The following PITPNM1 variants were observed in gnomAD, a reference collection of about 807,000 sequenced individuals.
The protein encoded by PITPNM1 is phosphatidylinositol transfer protein membrane associated 1.
In PITPNM1, 74 loss-of-function variants were observed where a neutral mutation model predicts 133.3. The ratio of observed to expected loss-of-function variants is 0.56; its 90% CI spans 0.46 to 0.67. The LOEUF (loss-of-function observed/expected upper bound fraction) is 0.67, where lower values mean the gene tolerates loss of function less well. Among genes scored for constraint, PITPNM1 ranks in the 30% least tolerant of loss-of-function variants. The pLI is 0.00. For missense variants in PITPNM1, 1,398 were observed against 1,739.5 expected, an observed-to-expected ratio of 0.80 and a Z score of 3.49; for synonymous variants, 738 against 741.4, an observed-to-expected ratio of 1.00 and a Z score of 0.08.
intron 16 of PITPNM1, 89 bp from the exon 17 acceptor site, chr11:67,495,314 C>T (rs1866083241): frequency 4.7e-6 from 7 of 1,479,926 alleles, no homozygotes; most frequent in Non-Finnish European, 5.4e-6. Context: ...CCCCTTTTCA[C>T]CCAGCCTGCT....
In PITPNM1 at chr11:67,502,011, G is replaced by C. The variant is rs1866335852; in HGVS notation, c.491C>G (p.Ser164Trp). ...KAEEDPRLYH[S>W]VKTGRGPLSD... ...CAGTGGCCCTCGGCCCGTCTTGACC[G>C]AGTGATAAAGCCGGGGGTCCTCTTC... Residue 164 changes from serine to tryptophan, a missense_variant, in exon 5 of 24, where the codon TCG (serine) becomes TGG (tryptophan). Transcript: ENST00000356404. The surrounding 1 kb of genome is among the most constrained non-coding windows in gnomAD (Gnocchi z 5.9). The C allele has an allele frequency of 1.2e-6, 2 of 1,613,460 alleles. No homozygotes were observed. The highest frequency in any genetic ancestry group is 1.7e-6 in the Non-Finnish European group (2 of 1,180,022).
At chr11:67,492,525 T>G (rs1429118270) in intron 23 of PITPNM1, among the ~76,000 whole-genome samples, 1 of 152,122 alleles carries the variant, frequency 6.6e-6, no homozygotes, top group Non-Finnish European at 1.5e-5. Flanking sequence ...ATCTGGAAAA[T>G]GGGGTCTTAG....
At position 67,502,947 on chromosome 11, in the gene PITPNM1, T is replaced by C. The variant is rs550480814; in HGVS notation, c.79-229A>G. ...CTCAGTTGAGTCATTCAAGTATTCA[T>C]TGAGTGTCTGCTCCACTCCAGGCAG... On this transcript the variant is annotated intron_variant, in intron 2 of 23. Coordinates refer to ENST00000356404, the MANE Select transcript of PITPNM1 (RefSeq NM_004910.3). The surrounding 1 kb of genome is among the most constrained non-coding windows in gnomAD (Gnocchi z 5.9). Among the ~76,000 whole-genome samples, 2 of 152,350 alleles carry C rather than the reference T, an allele frequency of 1.3e-5. No individual in the cohort carries two copies. The highest frequency in any genetic ancestry group is 1.9e-4 in the East Asian group (1 of 5,192).
chr11:67,501,006 GC>G, intron 5 of PITPNM1, among the ~76,000 whole-genome samples: 1 of 152,316 alleles, frequency 6.6e-6, no homozygotes, highest in East Asian at 1.9e-4. Flanking sequence ...TCTTATTTGT[GC>G]TTTTTGGCAT....
At chr11:67,495,000 A>C (rs1276187408) in intron 17 of PITPNM1, 44 bp from the exon 18 acceptor site, 3 of 1,600,018 alleles carry the variant, frequency 1.9e-6, no homozygotes, top group South Asian at 2.2e-5. Context: ...TAGGGGAGGG[A>C]GGGCTGCCCC....
Position 67,493,059 on chromosome 11 carries a change from C to T in PITPNM1, c.3346G>A (p.Glu1116Lys). ...MFLQSLVQEV[E>K]LNIVAGYGSP... ...CCATAACCGGCCACGATGTTCAGTT[C>T]TACCTGTGGCGGGAGATGCCAATCA... Residue 1116 changes from glutamate (E) to lysine (K), a missense_variant, in exon 23 of 24, where the codon GAA becomes AAA. Physicochemically the swap from Glu to Lys is moderately conservative, Grantham distance 56 (BLOSUM62 1). Transcript: ENST00000356404. 2 of 1,612,980 alleles carry T rather than the reference C, an allele frequency of 1.2e-6. No homozygotes were observed. Among genetic ancestry groups the T allele is most frequent in the South Asian group, 1.1e-5 (1 of 91,090 alleles).
intron 7 of PITPNM1, 34 bp from the exon 8 acceptor site, chr11:67,499,864 A>G: frequency 6.3e-7 from 1 of 1,591,492 alleles, no homozygotes; most frequent in Non-Finnish European, 8.6e-7. Flanking sequence ...ATGGGGTGGG[A>G]GGAGCTGCTC....
In PITPNM1 at chr11:67,492,514, C is replaced by T. The variant is rs187353771; in HGVS notation, c.3472-218G>A. 1.7e-3 allele frequency among the ~76,000 whole-genome samples: 255 copies of T among 152,384 alleles called. 1 individual carries two copies. The highest frequency in any genetic ancestry group is 3.2e-3 in the Non-Finnish European group (216 of 68,042). The stretch of plus-strand genomic sequence containing the variant: ...GCCCTTCTCTGGGCCTCAGTCTCCT[C>T]ATCTGGAAAATGGGGTCTTAGAGGA... On this transcript the variant is annotated intron_variant, in intron 23 of 23. Coordinates refer to ENST00000356404, the MANE Select transcript of PITPNM1 (RefSeq NM_004910.3).
chr11:67,502,137 C>T lies in PITPNM1; in HGVS notation c.416-51G>A. 1 of 1,575,718 alleles carries T rather than the reference C, an allele frequency of 6.3e-7. No homozygotes were observed. The highest frequency in any genetic ancestry group is 8.7e-7 in the Non-Finnish European group (1 of 1,154,458). On this transcript the variant is annotated intron_variant, in intron 4 of 23. Coordinates refer to ENST00000356404, the MANE Select transcript of PITPNM1 (RefSeq NM_004910.3). The surrounding 1 kb of genome is among the most constrained non-coding windows in gnomAD (Gnocchi z 5.9). ...CAGCGCCAGCCCCTTTGAGCCCCCG[C>T]TCCTGGCACCCTCTTGGGACTGGAT... is the stretch of plus-strand genomic sequence containing the variant.
chr11:67,498,830 C>G lies in PITPNM1; in HGVS notation c.1250G>C (p.Gly417Ala). 2.5e-6 allele frequency: 4 copies of G among 1,610,202 alleles called. No individual in the cohort carries two copies. The highest frequency in any genetic ancestry group is 3.4e-6 in the Non-Finnish European group (4 of 1,177,692). The change falls in exon 10 of 24, where the codon GGG becomes GCG. Residue 417 changes from glycine (G) to alanine (A), a missense_variant. Physicochemically the swap from Gly to Ala is moderately conservative, Grantham distance 60. Transcript: ENST00000356404. The surrounding 1 kb of genome is among the most constrained non-coding windows in gnomAD (Gnocchi z 5.7). Reference sequence around the variant, plus strand: ...TGCGCATGCCTCAGCCCCCAGCTCCCCGGCTCCATCCAGGCCCTGGGGGGA... The same window carrying G: ...TGCGCATGCCTCAGCCCCCAGCTCCGCGGCTCCATCCAGGCCCTGGGGGGA... ...PRDSEGLDGA[G>A]ELGAEACAVH...
Position 67,504,238 on chromosome 11 carries a change from C to A in PITPNM1, c.-41-17G>T. 7.4e-7 allele frequency: 1 copy of A among 1,354,198 alleles called. No homozygotes were observed. Among genetic ancestry groups the A allele is most frequent in the South Asian group, 1.3e-5 (1 of 78,164 alleles). The allele number at this position is 1,354,198 out of a possible 1,614,324, so 83.9% of individuals were successfully genotyped here. A position where few individuals can be genotyped will look rare whatever the true frequency, so the allele number is the denominator to read the frequency against. ...CCGCTCCTCCTGGCGCAGGGCACGG[C>A]GCGACAGTCAGTGCGGGGAGGCTGC... On this transcript the variant is annotated splice_polypyrimidine_tract_variant and intron_variant, in intron 1 of 23. Coordinates refer to ENST00000356404, the MANE Select transcript of PITPNM1 (RefSeq NM_004910.3). This position sits in a 1 kb window ranked among gnomAD's most constrained non-coding sequence, Gnocchi z 5.4.
chr11:67,499,819 C>A lies in PITPNM1; in HGVS notation c.1075G>T (p.Asp359Tyr). 6.4e-7 allele frequency: 1 copy of A among 1,571,996 alleles called. No individual in the cohort carries two copies. Among genetic ancestry groups the A allele is most frequent in the Non-Finnish European group, 8.7e-7 (1 of 1,152,346 alleles). ...EFFDAHEGFS[D>Y]SEEVFPKEMT... ...TCCTTGGGGAAGACCTCCTCACTGTCCGAGAAGCCTTCTGAGGGGACAGGG... is the reference window on the plus strand; with the variant it reads ...TCCTTGGGGAAGACCTCCTCACTGTACGAGAAGCCTTCTGAGGGGACAGGG... The change falls in exon 8 of 24, where the codon GAC (aspartate) becomes TAC (tyrosine). Residue 359 changes from aspartate to tyrosine, a missense_variant. Transcript: ENST00000356404.
chr11:67,504,308 G>A lies in PITPNM1; in HGVS notation c.-41-87C>T. The A allele has an allele frequency of 2.4e-6, 1 of 425,420 alleles. No homozygotes were observed. Among genetic ancestry groups the A allele is most frequent in the Non-Finnish European group, 3.8e-6 (1 of 262,512 alleles). 26.4% of individuals were successfully genotyped at this position (425,420 alleles called of 1,614,324 possible). Reference sequence around the variant, plus strand: ...GCGCCGGCCGAGGGACTCAGGCCACGGGACCCCATGTCCGGGCCCGCCACG... The same window carrying A: ...GCGCCGGCCGAGGGACTCAGGCCACAGGACCCCATGTCCGGGCCCGCCACG... On this transcript the variant is annotated intron_variant, in intron 1 of 23. Coordinates refer to ENST00000356404, the MANE Select transcript of PITPNM1 (RefSeq NM_004910.3). This position sits in a 1 kb window ranked among gnomAD's most constrained non-coding sequence, Gnocchi z 5.4.
intron 14 of PITPNM1, 101 bp downstream of exon 14, chr11:67,497,130 G>A: frequency 1.0e-6 from 1 of 960,136 alleles, no homozygotes; most frequent in Non-Finnish European, 1.5e-6. Context: ...TAGTACAGTG[G>A]GGAAGTTGCT....
At position 67,498,937 on chromosome 11, in the gene PITPNM1, C is replaced by G. The variant is rs369254513; in HGVS notation, c.1233+3G>C. On this transcript the variant is annotated splice_donor_region_variant and intron_variant, in intron 9 of 23. Coordinates refer to ENST00000356404, the MANE Select transcript of PITPNM1 (RefSeq NM_004910.3). The surrounding 1 kb of genome is among the most constrained non-coding windows in gnomAD (Gnocchi z 5.7). ...TTGACATGGGGTGGCTGACCATACT[C>G]GCCTCTGAGTCCCTGGGTGCTTGGG... 6.2e-7 allele frequency: 1 copy of G among 1,612,582 alleles called. No individual in the cohort carries two copies.
chr11:67,502,228 G>T lies in PITPNM1; in HGVS notation c.415+64C>A. 6.3e-7 allele frequency: 1 copy of T among 1,584,108 alleles called. No individual in the cohort carries two copies. The highest frequency in any genetic ancestry group is 8.6e-7 in the Non-Finnish European group (1 of 1,164,760). On this transcript the variant is annotated intron_variant, in intron 4 of 23. Transcript: ENST00000356404. This position sits in a 1 kb window ranked among gnomAD's most constrained non-coding sequence, Gnocchi z 5.9. The stretch of plus-strand genomic sequence containing the variant: ...AGAGGGCTGGGACTTCTCAGAGGCT[G>T]CCCACTGAGGCAGCCAGGAGCCTGA...
rs369087606 is a variant in PITPNM1, at chr11:67,494,088, C to A, written c.2860-18G>T. 5.5e-5 allele frequency: 85 copies of A among 1,556,526 alleles called. No individual in the cohort carries two copies. The highest frequency in any genetic ancestry group is 7.0e-5 in the Non-Finnish European group (80 of 1,147,054). On this transcript the variant is annotated intron_variant, in intron 19 of 23. Transcript: ENST00000356404. The stretch of plus-strand genomic sequence containing the variant: ...ACATCCACCTGGAGGGGAGAAGGGG[C>A]GGGAGGTAAATGGGGGCCCTGCGTG...
chr11:67,497,862 T>C (rs1866181298), intron 12 of PITPNM1, 55 bp downstream of exon 12: 2 of 1,549,740 alleles, frequency 1.3e-6, no homozygotes, highest in Non-Finnish European at 1.8e-6. Context: ...GGCAGAGACC[T>C]AGAGCCAGAG....
In PITPNM1 at chr11:67,494,350, G is replaced by A. The variant is rs751736319; in HGVS notation, c.2753C>T (p.Ser918Phe). ...CACCGTGTCGCTCGCCCGGTGGTTG[G>A]AAGTGACGTTCTAGAGGGAGGAGAG... ...RTQVKIRNVT[S>F]NHRASDTVVC... The change falls in exon 19 of 24, where the codon TCC (serine) becomes TTC (phenylalanine). Residue 918 changes from serine (S) to phenylalanine (F), a missense_variant. Physicochemically the swap from Ser to Phe is radical, Grantham distance 155. Coordinates refer to ENST00000356404, the MANE Select transcript of PITPNM1 (RefSeq NM_004910.3). The A allele has an allele frequency of 2.5e-6, 4 of 1,604,522 alleles. No individual in the cohort carries two copies. Among genetic ancestry groups the A allele is most frequent in the Non-Finnish European group, 3.4e-6 (4 of 1,175,752 alleles).
Sources: gnomAD v4.1 joint callset for allele counts (sites outside exome capture counted in the v4.1 genomes callset) on GRCh38, gnomAD v4.1.1 for gene constraint, Gnocchi (gnomAD v3.1) non-coding constraint, MANE v1.5 for transcripts, NCBI Gene and HGNC (gene_info 2026-07-23, HGNC 2026-07-21) for gene names.